SLC13A4: variants seen among roughly 807,000 people sequenced by gnomAD.
SLC13A4 encodes the protein solute carrier family 13 member 4.
In SLC13A4, 28 loss-of-function variants were observed where a neutral mutation model predicts 72.7. The observed-to-expected ratio is 0.39, with a 90% confidence interval of 0.29 to 0.53. The LOEUF is 0.53. Ranked by LOEUF, SLC13A4 falls within the 20% of genes least tolerant of loss-of-function variation. The probability of loss-of-function intolerance (pLI) is 0.78; values close to 1 mark genes in which losing one functional copy is unlikely to be tolerated. For missense variants in SLC13A4, 653 were observed against 788.0 expected (o/e 0.83, Z 2.05); for synonymous variants, 312 against 325.5 (o/e 0.96, Z 0.45).
intron 2 of SLC13A4, among the ~76,000 whole-genome samples, chr7:135,715,341 ATG>A (rs931282381): frequency 5.7e-4 from 83 of 145,238 alleles, no homozygotes; most frequent in African/African-American, 2.1e-3. Context: ...GTGTATGTAT[ATG>A]TGAGCGTGTG....
At position 135,691,201 on chromosome 7, in the gene SLC13A4, C is replaced by G. The variant is rs1186690056; in HGVS notation, c.1446G>C (p.Lys482Asn). Residue 482 changes from lysine (K) to asparagine (N), a missense_variant and splice_region_variant, in exon 13 of 16, where the codon AAG (lysine) becomes AAC (asparagine). Lys to Asn is a moderately conservative substitution (Grantham distance 94). Coordinates refer to ENST00000682651, the MANE Select transcript of SLC13A4 (RefSeq NM_001318192.2). ...CAAAAAAACAGAATTCAAGAATTAC[C>G]TTGCTACCAGAAGCCAGAGCATAGC... ...GGGYALASGS[K>N]SSGLSTWIGN... The G allele has an allele frequency of 6.3e-7, 1 of 1,586,976 alleles. No homozygotes were observed. Among genetic ancestry groups the G allele is most frequent in the Non-Finnish European group, 8.5e-7 (1 of 1,172,068 alleles).
chr7:135,690,204 A>G (rs1288117756), intron 13 of SLC13A4, among the ~76,000 whole-genome samples: 1 of 151,038 alleles, frequency 6.6e-6, no homozygotes, highest in Non-Finnish European at 1.5e-5. Context: ...AAAAAAAAAA[A>G]AAAGAGAACC....
chr7:135,685,409 T>A, intron 14 of SLC13A4, 113 bp downstream of exon 14: 1 of 845,290 alleles, frequency 1.2e-6, no homozygotes, highest in Non-Finnish European at 1.9e-6. Context: ...GTGAAGGCTG[T>A]GGGCAGTAAC....
chr7:135,726,006 T>C (rs1796649577), intron 1 of SLC13A4, among the ~76,000 whole-genome samples: 1 of 152,078 alleles, frequency 6.6e-6, no homozygotes. Flanking sequence ...GACGGATGGA[T>C]GAAACTCTAC....
intron 2 of SLC13A4, among the ~76,000 whole-genome samples, chr7:135,712,366 T>G (rs1796323112): frequency 6.7e-6 from 1 of 150,016 alleles, no homozygotes; most frequent in South Asian, 2.1e-4. Context: ...GTAACATCAC[T>G]GAGTGGGGAA....
chr7:135,726,915 A>G (rs1434687140), intron 1 of SLC13A4, among the ~76,000 whole-genome samples: 1 of 152,194 alleles, frequency 6.6e-6, no homozygotes, highest in East Asian at 1.9e-4. Flanking sequence ...CCACCAGGAC[A>G]CGACCACAGA....
rs188750023 is a variant in SLC13A4, at chr7:135,691,096, G to A, written c.1446+105C>T. On this transcript the variant is annotated intron_variant, in intron 13 of 15. Transcript: ENST00000682651. Reference sequence around the variant, plus strand: ...AGAGAATCGCTTGAACCCAGGAGGCGGAGGTTGCAGTGAGCTGAGATTGTG... The same window carrying A: ...AGAGAATCGCTTGAACCCAGGAGGCAGAGGTTGCAGTGAGCTGAGATTGTG... 30 of 1,012,180 alleles carry A rather than the reference G, an allele frequency of 3.0e-5. 1 individual carries two copies. The highest frequency in any genetic ancestry group is 1.2e-4 in the African/African-American group (7 of 59,964). The allele number at this position is 1,012,180 out of a possible 1,614,324, so 62.7% of individuals were successfully genotyped here. A position where few individuals can be genotyped will look rare whatever the true frequency, so the allele number is the denominator to read the frequency against.
rs146897852 is a variant in SLC13A4 at position 135,681,686 on chromosome 7, C to G, written c.1761G>C (p.Leu587=). 1,419 of 1,613,454 alleles carry G rather than the reference C, an allele frequency of 8.8e-4. 6 individuals are homozygous for G. The African/African-American group carries it at 0.015, about 17-fold the overall frequency. Residue 587 remains leucine, a synonymous_variant, in exon 16 of 16, where the codon CTG becomes CTC. Coordinates refer to ENST00000682651, the MANE Select transcript of SLC13A4 (RefSeq NM_001318192.2). ...CQIKDMVKAG[L]GVNVIGLVIV... ...TCACCAGTCCAATAACGTTGACTCC[C>G]AGGCCAGCTTTCACCTGCAGGACAC...
chr7:135,726,961 A>G (rs969974144), intron 1 of SLC13A4, among the ~76,000 whole-genome samples: 3 of 151,920 alleles, frequency 2.0e-5, no homozygotes, highest in African/African-American at 4.8e-5. Context: ...TCCTCCCCCA[A>G]CCTTCTCCTC....
At chr7:135,711,963 ATTTTTTTTTTTTTTTTTTTTTTT>A (rs529940903) in intron 2 of SLC13A4, among the ~76,000 whole-genome samples, 6 of 46,900 alleles carry the variant, frequency 1.3e-4, no homozygotes, top group South Asian at 9.9e-4. Context: ...ATGTTTTTGG[ATTTTTTTTTTTTTTTTTTTTTTT>A]TTTTTTTTTT....
intron 11 of SLC13A4, 101 bp downstream of exon 11, chr7:135,692,222 A>T (rs1338497500): frequency 1.2e-6 from 1 of 863,060 alleles, no homozygotes. Flanking sequence ...CTGGGGAATG[A>T]AATCTTCCTG....
At chr7:135,721,336 C>T in intron 2 of SLC13A4, 59 bp downstream of exon 2, 2 of 1,594,420 alleles carry the variant, frequency 1.3e-6, no homozygotes, top group Non-Finnish European at 1.7e-6. Flanking sequence ...TCATTGGAGG[C>T]TCTCTTTCAG....
At position 135,691,587 on chromosome 7, in the gene SLC13A4, T is replaced by TGAGGAAGAGGAGGAAGCC; in HGVS notation, c.1264_1281dup (p.Gly422_Leu427dup). 2 of 1,613,914 alleles carry TGAGGAAGAGGAGGAAGCC rather than the reference T, an allele frequency of 1.2e-6. No homozygotes were observed. The highest frequency in any genetic ancestry group is 1.7e-6 in the Non-Finnish European group (2 of 1,179,834). On this transcript the variant is annotated inframe_insertion, in exon 12 of 16. Transcript: ENST00000682651. ...CCAAAGCAGGGCTTCTTCGCTGGAA[T>TGAGGAAGAGGAGGAAGCC]GAGGAAGAGGAGGAAGCCAAGGAAG...
intron 15 of SLC13A4, 128 bp downstream of exon 15, chr7:135,683,996 C>G (rs1795563582): frequency 8.9e-7 from 1 of 1,125,934 alleles, no homozygotes; most frequent in Non-Finnish European, 1.2e-6. Context: ...ATTCTTGCTA[C>G]CACACTGGGT....
chr7:135,712,148 A>T (rs3112357), intron 2 of SLC13A4, among the ~76,000 whole-genome samples: 1 of 150,952 alleles, frequency 6.6e-6, no homozygotes, highest in Non-Finnish European at 1.5e-5. Context: ...TTTTATCTTC[A>T]TTTATAATCG....
intron 1 of SLC13A4, among the ~76,000 whole-genome samples, chr7:135,721,978 C>T (rs1263591162): frequency 6.6e-6 from 1 of 152,200 alleles, no homozygotes; most frequent in Non-Finnish European, 1.5e-5. Flanking sequence ...CTGGGGCTTG[C>T]ACTTGTAATC....
intron 7 of SLC13A4, among the ~76,000 whole-genome samples, chr7:135,700,914 G>A (rs1796019599): frequency 6.6e-6 from 1 of 152,170 alleles, no homozygotes; most frequent in Admixed American, 6.5e-5. Flanking sequence ...CTCCCAAAGT[G>A]CTGAACCACC....
chr7:135,725,543 C>T (rs1227310577), intron 1 of SLC13A4, among the ~76,000 whole-genome samples: 2 of 152,146 alleles, frequency 1.3e-5, no homozygotes, highest in African/African-American at 2.4e-5. Context: ...TAAAATGTAG[C>T]TGAGGCTTGT....
At chr7:135,686,226 G>A (rs905521447) in intron 13 of SLC13A4, among the ~76,000 whole-genome samples, 1 of 152,198 alleles carries the variant, frequency 6.6e-6, no homozygotes, top group East Asian at 1.9e-4. Flanking sequence ...GGTTTTACAG[G>A]AGTAATAAAG....
Sources: allele counts gnomAD v4.1 joint callset (sites outside exome capture counted in the v4.1 genomes callset), GRCh38; gene constraint gnomAD v4.1.1; transcripts MANE v1.5; gene names NCBI Gene and HGNC (gene_info 2026-07-23, HGNC 2026-07-21).